The following PRKCA variants were observed in gnomAD, a reference collection of about 807,000 sequenced individuals.
PRKCA encodes the protein protein kinase C alpha, also known as protein kinase C alpha type.
In PRKCA, 27 loss-of-function variants were observed where a neutral mutation model predicts 87.0. The observed-to-expected ratio is 0.31, with a 90% CI of 0.23 to 0.43. PRKCA has a LOEUF of 0.43. Among genes scored for constraint, PRKCA ranks in the 20% least tolerant of loss-of-function variants. The pLI is 1.00. For missense variants in PRKCA, 518 were observed against 852.3 expected, an observed-to-expected ratio of 0.61 and a Z score of 4.88; for synonymous variants, 329 against 311.1, an observed-to-expected ratio of 1.06 and a Z score of -0.61.
chr17:66,762,010 T>G (rs1017183062), intron 13 of PRKCA, among the ~76,000 whole-genome samples: 1 of 152,084 alleles, frequency 6.6e-6, no homozygotes, highest in Non-Finnish European at 1.5e-5. Context: ...CAGTAAAAAA[T>G]CAATTTAATT....
At chr17:66,764,948 C>T (rs1974765498) in intron 13 of PRKCA, among the ~76,000 whole-genome samples, 1 of 152,158 alleles carries the variant, frequency 6.6e-6, no homozygotes, top group Non-Finnish European at 1.5e-5. Context: ...AAAGCTGGCT[C>T]CCTAGACCAA....
chr17:66,759,375 A>T (rs1449423069), intron 13 of PRKCA, among the ~76,000 whole-genome samples: 2 of 152,094 alleles, frequency 1.3e-5, no homozygotes. Flanking sequence ...AAAAGAAAGT[A>T]GACTTGGTTT....
chr17:66,737,424 G>C (rs1380080123), intron 10 of PRKCA, among the ~76,000 whole-genome samples: 1 of 152,150 alleles, frequency 6.6e-6, no homozygotes, highest in African/African-American at 2.4e-5. Flanking sequence ...TGCCAAAGCT[G>C]GTCTTTCCAC....
rs1433848066 is a variant in PRKCA at position 66,803,680 on chromosome 17, A to G, written c.1855-193A>G. ...CTGTTCGGGGTGTTTCAGGGTTTACAGTTGGGTAACTCGTTGTTGTCTGCT... is the reference window on the plus strand; with the variant it reads ...CTGTTCGGGGTGTTTCAGGGTTTACGGTTGGGTAACTCGTTGTTGTCTGCT... On this transcript the variant is annotated intron_variant, in intron 16 of 16. Coordinates refer to ENST00000413366, the MANE Select transcript of PRKCA (RefSeq NM_002737.3). The surrounding 1 kb of genome is among the most constrained non-coding windows in gnomAD (Gnocchi z 4.4). 6.6e-6 allele frequency among the ~76,000 whole-genome samples: 1 copy of G among 152,100 alleles called. No individual in the cohort carries two copies. The highest frequency in any genetic ancestry group is 6.5e-5 in the Admixed American group (1 of 15,272).
intron 2 of PRKCA, among the ~76,000 whole-genome samples, chr17:66,329,211 T>TC (rs1419453278): frequency 4.0e-5 from 6 of 151,860 alleles, no homozygotes; most frequent in Admixed American, 6.6e-5. Context: ...GATTTGGAGG[T>TC]AGAAGGGAGA....
chr17:66,320,622 A>G (rs1231663250), intron 2 of PRKCA, among the ~76,000 whole-genome samples: 2 of 152,190 alleles, frequency 1.3e-5, no homozygotes, highest in Non-Finnish European at 2.9e-5. Flanking sequence ...TTTGATTTGT[A>G]TTGGATGAGA....
chr17:66,766,920 T>C (rs1192749970), intron 13 of PRKCA, among the ~76,000 whole-genome samples: 2 of 152,130 alleles, frequency 1.3e-5, no homozygotes, highest in Non-Finnish European at 2.9e-5. Context: ...CAAGAGCAAA[T>C]TTTATTCAAG....
chr17:66,730,886 G>A (rs988982306), intron 8 of PRKCA, among the ~76,000 whole-genome samples: 1 of 152,166 alleles, frequency 6.6e-6, no homozygotes, highest in Non-Finnish European at 1.5e-5. Flanking sequence ...GAGGGACGAC[G>A]GATGATTCCT....
At chr17:66,630,709 G>A (rs1567943022) in intron 3 of PRKCA, among the ~76,000 whole-genome samples, 1 of 152,198 alleles carries the variant, frequency 6.6e-6, no homozygotes, top group East Asian at 1.9e-4. Context: ...GTACTGCTTT[G>A]TTGCTGAGCT....
chr17:66,735,695 C>G, intron 10 of PRKCA, 33 bp downstream of exon 10: 1 of 1,600,046 alleles, frequency 6.2e-7, no homozygotes, highest in Non-Finnish European at 8.5e-7. Context: ...CGATGCAGTA[C>G]CCAGCTCTCA....
intron 2 of PRKCA, among the ~76,000 whole-genome samples, chr17:66,471,331 G>A (rs1362706712): frequency 2.6e-5 from 4 of 152,196 alleles, no homozygotes; most frequent in Non-Finnish European, 4.4e-5. Context: ...CTGACAACTT[G>A]TACTTCTAAG....
At chr17:66,776,990 C>T (rs901027023) in intron 14 of PRKCA, among the ~76,000 whole-genome samples, 3 of 152,234 alleles carry the variant, frequency 2.0e-5, no homozygotes, top group Non-Finnish European at 2.9e-5. Flanking sequence ...TGAGCCCACT[C>T]GCCCAACTCC....
At chr17:66,351,890 G>T (rs777852092) in intron 2 of PRKCA, among the ~76,000 whole-genome samples, 10 of 152,036 alleles carry the variant, frequency 6.6e-5, no homozygotes, top group African/African-American at 9.7e-5. Flanking sequence ...GGACTCACCC[G>T]TGCTTCTCTC....
chr17:66,649,393 C>G (rs1971533516), intron 5 of PRKCA, among the ~76,000 whole-genome samples: 1 of 152,208 alleles, frequency 6.6e-6, no homozygotes, highest in African/African-American at 2.4e-5. Flanking sequence ...ATTTATTGTT[C>G]ATAGGACTGG....
In PRKCA at chr17:66,804,133, T is replaced by A; in HGVS notation, c.*96T>A. 8.1e-6 allele frequency: 12 copies of A among 1,479,032 alleles called. No homozygotes were observed. The highest frequency in any genetic ancestry group is 1.1e-5 in the Non-Finnish European group (12 of 1,107,634). The allele number at this position is 1,479,032 out of a possible 1,614,324, so 91.6% of individuals were successfully genotyped here. A position where few individuals can be genotyped will look rare whatever the true frequency, so the allele number is the denominator to read the frequency against. The stretch of plus-strand genomic sequence containing the variant: ...CTAAAATTTTAAGGCCACGGCCTTG[T>A]GTCTGATTCCATATGGAGGCCTGAA... On this transcript the variant is annotated 3_prime_UTR_variant, in exon 17 of 17. Transcript: ENST00000413366.
intron 3 of PRKCA, among the ~76,000 whole-genome samples, chr17:66,592,984 G>T (rs976104111): frequency 2.6e-5 from 4 of 152,006 alleles, no homozygotes; most frequent in Non-Finnish European, 5.9e-5. Context: ...TAGAGACAGG[G>T]TTTCACCACA....
intron 2 of PRKCA, among the ~76,000 whole-genome samples, chr17:66,390,867 A>G (rs1404263862): frequency 6.6e-6 from 1 of 151,998 alleles, no homozygotes; most frequent in Non-Finnish European, 1.5e-5. Context: ...TGACCCATCC[A>G]ACCAAGCCAG....
intron 11 of PRKCA, among the ~76,000 whole-genome samples, chr17:66,740,029 A>G (rs1974123615): frequency 6.6e-6 from 1 of 152,038 alleles, no homozygotes; most frequent in Admixed American, 6.5e-5. Context: ...AGTGTCTTTG[A>G]AAAACACCCT....
chr17:66,414,929 T>C (rs1912047651), intron 2 of PRKCA: 1 of 151,922 alleles, frequency 6.6e-6, no homozygotes, highest in African/African-American at 2.4e-5. Context: ...AAGGTACAAA[T>C]GCCTATAAAT....
Sources: gnomAD v4.1 joint callset for allele counts (sites outside exome capture counted in the v4.1 genomes callset) on GRCh38, gnomAD v4.1.1 for gene constraint, Gnocchi (gnomAD v3.1) non-coding constraint, MANE v1.5 for transcripts, NCBI Gene and HGNC (gene_info 2026-07-23, HGNC 2026-07-21) for gene names.